Variants in DCAF5 observed in about 807,000 individuals in gnomAD.
The protein encoded by DCAF5 is DDB1- and CUL4-associated factor 5.
In DCAF5, 9 loss-of-function variants were observed where a neutral mutation model predicts 80.7. The observed-to-expected ratio is 0.11, with a 90% CI of 0.07 to 0.19. The LOEUF (loss-of-function observed/expected upper bound fraction) is 0.19. Ranked by LOEUF, DCAF5 falls within the 10% of genes least tolerant of loss-of-function variation. DCAF5 has a pLI of 1.00. For missense variants in DCAF5, 842 were observed against 1,205.7 expected (o/e 0.70, Z 4.47); for synonymous variants, 433 against 461.9 (o/e 0.94, Z 0.80).
chr14:69,136,466 T>C (rs1244722323), intron 1 of DCAF5, among the ~76,000 whole-genome samples: 1 of 152,190 alleles, frequency 6.6e-6, no homozygotes, highest in Non-Finnish European at 1.5e-5. Flanking sequence ...CAAGATTAAA[T>C]GTGAATGCCT....
chr14:69,056,054 C>T (rs577038421), intron 8 of DCAF5, among the ~76,000 whole-genome samples: 26 of 152,170 alleles, frequency 1.7e-4, no homozygotes, highest in Non-Finnish European at 3.4e-4. Flanking sequence ...AGAGGTACCA[C>T]TTTTCCCAAA....
chr14:69,069,581 A>C (rs539661152), intron 7 of DCAF5, among the ~76,000 whole-genome samples: 14 of 152,248 alleles, frequency 9.2e-5, no homozygotes, highest in African/African-American at 3.1e-4. Context: ...CTACAGGCAT[A>C]TGCCACCATG....
intron 5 of DCAF5, among the ~76,000 whole-genome samples, chr14:69,102,179 G>A (rs972072457): frequency 1.3e-5 from 2 of 150,190 alleles, no homozygotes; most frequent in Non-Finnish European, 3.0e-5. Context: ...TGTGATCTCG[G>A]TTCACTGCAA....
At chr14:69,130,777 T>A (rs897626877) in intron 1 of DCAF5, among the ~76,000 whole-genome samples, 1 of 152,166 alleles carries the variant, frequency 6.6e-6, no homozygotes. Flanking sequence ...GATACAGAGC[T>A]TGGGGTTTCA....
At chr14:69,073,124 G>A (rs1209017833) in intron 7 of DCAF5, among the ~76,000 whole-genome samples, 2 of 152,146 alleles carry the variant, frequency 1.3e-5, no homozygotes, top group Non-Finnish European at 2.9e-5. Context: ...TCCATAAATG[G>A]GGTAGAACAA....
intron 6 of DCAF5, chr14:69,084,137 G>A (rs2039225599): frequency 3.5e-6 from 3 of 851,938 alleles, no homozygotes; most frequent in Non-Finnish European, 6.2e-6. Context: ...TGGAACAGGG[G>A]TCCTTATTCT....
intron 1 of DCAF5, 87 bp from the exon 2 acceptor site, chr14:69,122,447 T>C (rs2140070930): frequency 7.0e-7 from 1 of 1,436,618 alleles, no homozygotes; most frequent in Non-Finnish European, 9.5e-7. Flanking sequence ...TCCCATCCTT[T>C]CCAAAACTGC....
Position 69,141,138 on chromosome 14 carries a change from T to TA in DCAF5, c.214+11626_214+11627insT, listed in dbSNP as rs1566789265. Among the ~76,000 whole-genome samples, 92 of 81,790 alleles carry TA rather than the reference T, an allele frequency of 1.1e-3. 1 individual carries two copies. The highest frequency in any genetic ancestry group is 0.011 in the Middle Eastern group (1 of 94). The allele number at this position is 81,790 out of a possible 152,430, so 53.7% of individuals were successfully genotyped here. A position where few individuals can be genotyped will look rare whatever the true frequency, so the allele number is the denominator to read the frequency against. ...CACAGAGCGAGACTCCATCTCAAAT[T>TA]TAAAAAAAAAAAAAAAAAAAAAAAA... On this transcript the variant is annotated intron_variant, in intron 1 of 8. Coordinates refer to ENST00000341516, the MANE Select transcript of DCAF5 (RefSeq NM_003861.3).
chr14:69,113,692 G>T (rs575639104), intron 5 of DCAF5, among the ~76,000 whole-genome samples: 1 of 152,220 alleles, frequency 6.6e-6, no homozygotes, highest in Admixed American at 6.5e-5. Context: ...AAAAGAAAAA[G>T]GGTGGTCTCT....
At chr14:69,092,786 G>A (rs568195430) in intron 5 of DCAF5, among the ~76,000 whole-genome samples, 1 of 152,244 alleles carries the variant, frequency 6.6e-6, no homozygotes, top group Admixed American at 6.5e-5. Flanking sequence ...AGCAAGCAGT[G>A]CAACAATTAG....
chr14:69,056,978 A>G (rs564828309), intron 8 of DCAF5, among the ~76,000 whole-genome samples: 2 of 152,262 alleles, frequency 1.3e-5, no homozygotes, highest in South Asian at 4.1e-4. Flanking sequence ...ATCTTACCCT[A>G]GAGAGTTTCA....
chr14:69,139,819 C>T (rs2041307523), intron 1 of DCAF5, among the ~76,000 whole-genome samples: 2 of 141,570 alleles, frequency 1.4e-5, no homozygotes, highest in African/African-American at 2.6e-5. Flanking sequence ...TGAATAAGAC[C>T]CTGTCTCAAA....
intron 1 of DCAF5, among the ~76,000 whole-genome samples, chr14:69,126,049 TA>T (rs2040862402): frequency 1.3e-5 from 2 of 151,774 alleles, no homozygotes; most frequent in Admixed American, 1.3e-4. Context: ...ATTTGAAATA[TA>T]AAATATTTAG....
chr14:69,151,851 G>A (rs1418996113), intron 1 of DCAF5, among the ~76,000 whole-genome samples: 1 of 152,178 alleles, frequency 6.6e-6, no homozygotes, highest in African/African-American at 2.4e-5. Flanking sequence ...GGCCTACACC[G>A]CCCGGCCGGA....
At chr14:69,063,665 G>GA (rs2038318966) in intron 7 of DCAF5, among the ~76,000 whole-genome samples, 2 of 152,178 alleles carry the variant, frequency 1.3e-5, no homozygotes, top group Non-Finnish European at 2.9e-5. Flanking sequence ...TGTTTGGAGG[G>GA]AAAATGACTA....
chr14:69,148,212 CA>C (rs1243917284), intron 1 of DCAF5, among the ~76,000 whole-genome samples: 1 of 151,712 alleles, frequency 6.6e-6, no homozygotes, highest in Non-Finnish European at 1.5e-5. Flanking sequence ...TAGATGCAAC[CA>C]AAGACCTAAA....
Position 69,054,792 on chromosome 14 carries a change from A to T in DCAF5, c.1894T>A (p.Ser632Thr). The change falls in exon 9 of 9, where the codon TCC becomes ACC. Residue 632 changes from serine to threonine, a missense_variant. Ser to Thr is a moderately conservative substitution (Grantham distance 58). Coordinates refer to ENST00000341516, the MANE Select transcript of DCAF5 (RefSeq NM_003861.3). ...AGCGTGGAAGTGCTCCGCTCAGGGG[A>T]CGAGGTTGGGGAGGAGGAGAGGTCA... Reference protein sequence around the residue: ...VDDLSSSPTSSPERSTSTLEI... With the variant: ...VDDLSSSPTSTPERSTSTLEI... The T allele has an allele frequency of 6.2e-7, 1 of 1,614,158 alleles. No homozygotes were observed. The highest frequency in any genetic ancestry group is 2.2e-5 in the East Asian group (1 of 44,880).
Position 69,052,412 on chromosome 14 carries a change from C to G in DCAF5, c.*1445G>C, listed in dbSNP as rs1348158395. The G allele has an allele frequency of 1.3e-5, 2 of 152,756 alleles. No individual in the cohort carries two copies. The highest frequency in any genetic ancestry group is 2.9e-5 in the Non-Finnish European group (2 of 68,076). The allele number at this position is 152,756 out of a possible 1,614,324, so 9.5% of individuals were successfully genotyped here. On this transcript the variant is annotated 3_prime_UTR_variant, in exon 9 of 9. Transcript: ENST00000341516. ...AGCTGGGCTCCTAGTTGTCTAGCAC[C>G]TTTGCACTCAAGAAAGTTATATTGT... is the stretch of plus-strand genomic sequence containing the variant.
chr14:69,084,736 G>A, intron 6 of DCAF5: 1 of 1,245,266 alleles, frequency 8.0e-7, no homozygotes, highest in Non-Finnish European at 1.1e-6. Context: ...TGCCCATCTT[G>A]GCCATTCATG....
Sources: allele counts gnomAD v4.1 joint callset (sites outside exome capture counted in the v4.1 genomes callset), GRCh38; gene constraint gnomAD v4.1.1; transcripts MANE v1.5; gene names NCBI Gene and HGNC (gene_info 2026-07-23, HGNC 2026-07-21).